Variants in LTAP1 observed in about 807,000 individuals in gnomAD.
LTAP1 encodes HCV NS5A-transactivated protein 4.
At chr1:154,212,924 C>G in the LTAP1 span, among the ~76,000 whole-genome samples, 4 of 152,084 alleles carry the variant, frequency 2.6e-5, no homozygotes, top group Non-Finnish European at 5.9e-5. Flanking sequence ...CTGTCTGCCT[C>G]GCCCTCCCAA....
chr1:154,216,901 GGC>G, the LTAP1 span, among the ~76,000 whole-genome samples: 1 of 151,594 alleles, frequency 6.6e-6, no homozygotes, highest in Non-Finnish European at 1.5e-5. Context: ...AGCCTGCCTC[GGC>G]CTCCCAAAGT....
the LTAP1 span, among the ~76,000 whole-genome samples, chr1:154,219,257 G>C: frequency 1.3e-5 from 2 of 152,192 alleles, no homozygotes; most frequent in African/African-American, 2.4e-5. Flanking sequence ...AAGAGTTCTA[G>C]GATAGAGATA....
chr1:154,207,575 C>A, the LTAP1 span: 394 of 1,613,892 alleles, frequency 2.4e-4, no homozygotes, highest in Middle Eastern at 4.9e-4. Flanking sequence ...GTTGGGGAGA[C>A]CTCAGGGGAC....
At chr1:154,207,671 C>G in the LTAP1 span, 1 of 1,566,136 alleles carries the variant, frequency 6.4e-7, no homozygotes, top group Non-Finnish European at 8.6e-7. Flanking sequence ...GAGGGGAGGT[C>G]ATTGACAGAA....
At chr1:154,207,712 C>A in the LTAP1 span, 1 of 1,340,572 alleles carries the variant, frequency 7.5e-7, no homozygotes, top group Non-Finnish European at 1.0e-6. Context: ...CAGGGCTTAT[C>A]CCAGGCCATA....
the LTAP1 span, chr1:154,207,173 A>C: frequency 9.8e-6 from 3 of 306,922 alleles, no homozygotes; most frequent in South Asian, 9.0e-5. Flanking sequence ...ATTTTTAAGA[A>C]GCTTTGACAG....
the LTAP1 span, chr1:154,212,704 G>A: frequency 3.8e-5 from 57 of 1,505,664 alleles, no homozygotes; most frequent in South Asian, 8.5e-5. Context: ...TCTGTCACCC[G>A]GGCTGGAGTG....
the LTAP1 span, chr1:154,214,457 T>G: frequency 6.2e-7 from 1 of 1,604,646 alleles, no homozygotes. Flanking sequence ...TGCCACATAC[T>G]TTGATTTCCC....
chr1:154,209,881 C>T, the LTAP1 span, among the ~76,000 whole-genome samples: 3 of 152,048 alleles, frequency 2.0e-5, no homozygotes, highest in African/African-American at 7.2e-5. Context: ...TGAGCCACCA[C>T]ACCTGGCCTA....
chr1:154,207,657 C>G, the LTAP1 span: 3 of 1,589,012 alleles, frequency 1.9e-6, no homozygotes, highest in Non-Finnish European at 2.6e-6. Flanking sequence ...CCCTGAAGAA[C>G]AGAGAGGGGA....
the LTAP1 span, chr1:154,220,493 G>A: frequency 6.7e-7 from 1 of 1,499,578 alleles, no homozygotes; most frequent in Non-Finnish European, 9.3e-7. Flanking sequence ...GACGGCGCCT[G>A]GGTCCCCTGG....
the LTAP1 span, chr1:154,220,266 A>G: frequency 6.5e-7 from 1 of 1,544,470 alleles, no homozygotes; most frequent in Admixed American, 1.7e-5. Context: ...GAGAATGCAG[A>G]CGGGGTACAG....
the LTAP1 span, chr1:154,207,745 G>A: frequency 1.8e-5 from 18 of 980,840 alleles, no homozygotes; most frequent in Non-Finnish European, 2.6e-5. Context: ...GTCACAAATA[G>A]TTATTTGTGT....
the LTAP1 span, chr1:154,220,392 T>C: frequency 1.2e-6 from 2 of 1,614,234 alleles, no homozygotes; most frequent in Non-Finnish European, 1.7e-6. Flanking sequence ...GAGAGCCAGT[T>C]ACTGCCGGAC....
At chr1:154,207,609 CTG>C in the LTAP1 span, 10 of 1,612,392 alleles carry the variant, frequency 6.2e-6, no homozygotes, top group African/African-American at 1.2e-4. Context: ...TGGCTGCTGA[CTG>C]GTGATGTCGC....
the LTAP1 span, among the ~76,000 whole-genome samples, chr1:154,216,981 ACT>A: frequency 6.9e-6 from 1 of 143,952 alleles, no homozygotes; most frequent in Non-Finnish European, 1.5e-5. Context: ...ACAGAGACTC[ACT>A]CTGTCACCCA....
chr1:154,218,193 CAT>C, the LTAP1 span, among the ~76,000 whole-genome samples: 6 of 152,218 alleles, frequency 3.9e-5, no homozygotes, highest in Non-Finnish European at 8.8e-5. Context: ...TCTTGGTACA[CAT>C]GAGCAAAACT....
chr1:154,211,009 A>G, the LTAP1 span, among the ~76,000 whole-genome samples: 1 of 151,642 alleles, frequency 6.6e-6, no homozygotes, highest in Non-Finnish European at 1.5e-5. Context: ...TTAATTTTTA[A>G]TTTTTATTTT....
the LTAP1 span, chr1:154,207,729 G>T: frequency 1.7e-6 from 2 of 1,155,848 alleles, no homozygotes; most frequent in Non-Finnish European, 2.5e-6. Flanking sequence ...CATAAATGCA[G>T]CAATAGTCAC....
Sources: gnomAD v4.1 joint callset for allele counts (sites outside exome capture counted in the v4.1 genomes callset) on GRCh38, gnomAD v4.1.1 for gene constraint, MANE v1.5 for transcripts, NCBI Gene and HGNC (gene_info 2026-07-23, HGNC 2026-07-21) for gene names.